The following EXD2 variants were observed in gnomAD, a reference collection of about 807,000 sequenced individuals.
The protein encoded by EXD2 is exonuclease 3'-5' domain-containing protein 2.
In EXD2, 40 loss-of-function variants were observed where a neutral mutation model predicts 62.5. That is an observed-to-expected ratio of 0.64 (90% CI 0.50 to 0.83). EXD2 has a LOEUF of 0.83. Among genes scored for constraint, EXD2 ranks in the 40% least tolerant of loss-of-function variants. The pLI, the probability that EXD2 is intolerant of heterozygous loss-of-function variation, is 0.00. For missense variants in EXD2, 671 were observed against 761.8 expected, an observed-to-expected ratio of 0.88 and a Z score of 1.40; for synonymous variants, 239 against 291.9, an observed-to-expected ratio of 0.82 and a Z score of 1.85.
intron 3 of EXD2, among the ~76,000 whole-genome samples, chr14:69,212,549 C>T (rs189478116): frequency 3.8e-4 from 57 of 150,890 alleles, no homozygotes; most frequent in Non-Finnish European, 5.9e-5. Flanking sequence ...GGTGGTGTCA[C>T]TCTGTTTCCC....
chr14:69,235,930 T>G, intron 6 of EXD2, 116 bp from the exon 7 acceptor site: 1 of 799,768 alleles, frequency 1.3e-6, no homozygotes, highest in Non-Finnish European at 2.2e-6. Flanking sequence ...AGTGGTGTGT[T>G]TGACCTTAGT....
chr14:69,201,414 C>G (rs1346835760), intron 1 of EXD2, among the ~76,000 whole-genome samples: 1 of 152,048 alleles, frequency 6.6e-6, no homozygotes, highest in Non-Finnish European at 1.5e-5. Flanking sequence ...GTCTCAAACT[C>G]CTGATCTCAG....
intron 4 of EXD2, among the ~76,000 whole-genome samples, chr14:69,229,529 G>C (rs2043493714): frequency 6.6e-6 from 1 of 152,180 alleles, no homozygotes; most frequent in East Asian, 1.9e-4. Context: ...AGATGAGCGT[G>C]CTCTGTTCAG....
intron 3 of EXD2, among the ~76,000 whole-genome samples, chr14:69,216,094 A>G (rs1234987151): frequency 6.6e-6 from 1 of 152,138 alleles, no homozygotes; most frequent in African/African-American, 2.4e-5. Flanking sequence ...CAGATTTACA[A>G]TCCACCTGAA....
At chr14:69,236,336 G>C in intron 7 of EXD2, 71 bp from the exon 8 acceptor site, 1 of 1,609,558 alleles carries the variant, frequency 6.2e-7, no homozygotes, top group Non-Finnish European at 8.5e-7. Flanking sequence ...AACAGTGAAG[G>C]TAGTGCTGCT....
chr14:69,204,682 A>C (rs977623487), intron 2 of EXD2, among the ~76,000 whole-genome samples: 22 of 152,226 alleles, frequency 1.4e-4, no homozygotes, highest in African/African-American at 5.1e-4. Context: ...ACCACAGTTT[A>C]ATTTTTTTCT....
At chr14:69,219,995 C>G (rs1476075470) in intron 3 of EXD2, among the ~76,000 whole-genome samples, 1 of 151,714 alleles carries the variant, frequency 6.6e-6, no homozygotes, top group Non-Finnish European at 1.5e-5. Context: ...TAAATCTGTT[C>G]ATTTCTATTC....
In EXD2 at chr14:69,234,846, C is replaced by T. The variant is rs775769920; in HGVS notation, c.864C>T (p.Val288=). The change falls in exon 6 of 10, where the codon GTC becomes GTT. Residue 288 remains valine (V), a synonymous_variant. Transcript: ENST00000685843. ...TCTTGGAAAAATGCCAGGGTGTGGT[C>T]GACATCCCATTTCGAAGCAAAGGAA... ...RKVLEKCQGV[V]DIPFRSKGMS... 43 of 1,613,966 alleles carry T rather than the reference C, an allele frequency of 2.7e-5. No individual in the cohort carries two copies. The highest frequency in any genetic ancestry group is 3.2e-5 in the Non-Finnish European group (38 of 1,180,042).
In EXD2 at chr14:69,229,029, G is replaced by A; in HGVS notation, c.547G>A (p.Val183Ile). 6.2e-7 allele frequency: 1 copy of A among 1,614,212 alleles called. No homozygotes were observed. Among genetic ancestry groups the A allele is most frequent in the East Asian group, 2.2e-5 (1 of 44,894 alleles). Residue 183 changes from valine (V) to isoleucine (I), a missense_variant, in exon 4 of 10, where the codon GTT (valine) becomes ATT (isoleucine). Physicochemically the swap from Val to Ile is conservative, Grantham distance 29. Transcript: ENST00000685843. ...GCTTCTGCAGGATTATGGCCTCGTT[G>A]TTAGGGGGTGCCTGGACCTCCGATA... ...SKLLQDYGLVVRGCLDLRYLA... is the reference protein window; with the variant it reads ...SKLLQDYGLVIRGCLDLRYLA...
At chr14:69,192,330 G>A (rs1287745680) in intron 1 of EXD2, among the ~76,000 whole-genome samples, 2 of 152,134 alleles carry the variant, frequency 1.3e-5, no homozygotes, top group African/African-American at 4.8e-5. Context: ...AGGATAGAAG[G>A]AATTGAAAGG....
At chr14:69,226,364 A>T (rs1471515823) in intron 3 of EXD2, among the ~76,000 whole-genome samples, 1 of 152,228 alleles carries the variant, frequency 6.6e-6, no homozygotes, top group East Asian at 1.9e-4. Context: ...GGATACGAAA[A>T]TAGCTCTCAC....
At chr14:69,227,219 C>T (rs943498941) in intron 3 of EXD2, among the ~76,000 whole-genome samples, 2 of 152,070 alleles carry the variant, frequency 1.3e-5, no homozygotes, top group Non-Finnish European at 2.9e-5. Context: ...CTTGTGACAA[C>T]CAAAAATTTT....
chr14:69,216,972 A>G (rs1307656171), intron 3 of EXD2, among the ~76,000 whole-genome samples: 1 of 152,058 alleles, frequency 6.6e-6, no homozygotes, highest in East Asian at 1.9e-4. Context: ...ATATTCTTTG[A>G]TCAACATTTT....
chr14:69,239,223 A>G (rs1175552256), intron 9 of EXD2: 1 of 152,208 alleles, frequency 6.6e-6, no homozygotes, highest in African/African-American at 2.4e-5. Context: ...GTATTCTGAA[A>G]TGAGAAATGA....
At chr14:69,204,465 G>A (rs1031349516) in intron 2 of EXD2, among the ~76,000 whole-genome samples, 13 of 152,180 alleles carry the variant, frequency 8.5e-5, no homozygotes, top group African/African-American at 2.9e-4. Context: ...CAGCTACTCA[G>A]GAGGCTGAAG....
intron 3 of EXD2, among the ~76,000 whole-genome samples, chr14:69,212,236 G>A (rs2042828546): frequency 6.6e-6 from 1 of 152,054 alleles, no homozygotes; most frequent in Non-Finnish European, 1.5e-5. Flanking sequence ...AATTAGCCAG[G>A]CGTGGTAGCA....
chr14:69,205,432 T>C (rs2042558170), intron 2 of EXD2, among the ~76,000 whole-genome samples: 1 of 152,166 alleles, frequency 6.6e-6, no homozygotes, highest in Non-Finnish European at 1.5e-5. Context: ...ATTAACTCTT[T>C]CTGTATGTCT....
At chr14:69,225,165 C>T (rs966996403) in intron 3 of EXD2, among the ~76,000 whole-genome samples, 4 of 152,080 alleles carry the variant, frequency 2.6e-5, no homozygotes, top group Non-Finnish European at 5.9e-5. Flanking sequence ...ATCTCAAAAC[C>T]CTGGTCTAAA....
At chr14:69,216,070 T>C (rs8004546) in intron 3 of EXD2, among the ~76,000 whole-genome samples, 13,660 of 152,234 alleles carry the variant, frequency 0.09, 903 homozygotes, top group African/African-American at 0.18. Flanking sequence ...TTTATGGTTT[T>C]AACCTTGGCG....
Sources: gnomAD v4.1 joint callset for allele counts (sites outside exome capture counted in the v4.1 genomes callset) on GRCh38, gnomAD v4.1.1 for gene constraint, MANE v1.5 for transcripts, NCBI Gene and HGNC (gene_info 2026-07-23, HGNC 2026-07-21) for gene names.